Variants in PIEZO2 observed in about 807,000 individuals in gnomAD.
The protein encoded by PIEZO2 is piezo type mechanosensitive ion channel component 2.
A neutral mutation model predicts 337.3 loss-of-function variants in PIEZO2; 172 were observed. The ratio of observed to expected loss-of-function variants is 0.51; its 90% confidence interval spans 0.45 to 0.58. PIEZO2 has a LOEUF of 0.58. PIEZO2 is among the 20% of genes least tolerant of loss of function. The pLI is 0.00. For missense variants in PIEZO2, 3,028 were observed against 3,391.3 expected, an observed-to-expected ratio of 0.89 and a Z score of 2.66; for synonymous variants, 1,251 against 1,228.5, an observed-to-expected ratio of 1.02 and a Z score of -0.38.
chr18:10,715,613 T>G, intron 38 of PIEZO2, 37 bp downstream of exon 38: 1 of 1,473,156 alleles, frequency 6.8e-7, no homozygotes, highest in Non-Finnish European at 9.0e-7. Flanking sequence ...CTTCTTAATG[T>G]GGGAAGGAGC....
rs192516410 is a variant in PIEZO2 at position 10,713,473 on chromosome 18, C to A, written c.5423+1291G>T. On this transcript the variant is annotated intron_variant, in intron 39 of 55. Transcript: ENST00000674853. The surrounding 1 kb of genome is among the most constrained non-coding windows in gnomAD (Gnocchi z 4.5). ...TCTCCTATTTCATCTGGAAATATATCCAGCATTTGTGAAGGACAAATACTT... is the reference window on the plus strand; with the variant it reads ...TCTCCTATTTCATCTGGAAATATATACAGCATTTGTGAAGGACAAATACTT... Among the ~76,000 whole-genome samples the A allele has an allele frequency of 6.6e-6, 1 of 152,224 alleles. No individual in the cohort carries two copies. Among genetic ancestry groups the A allele is most frequent in the Non-Finnish European group, 1.5e-5 (1 of 68,010 alleles).
At chr18:10,706,565 A>G (rs578206545) in intron 40 of PIEZO2, among the ~76,000 whole-genome samples, 121 of 152,252 alleles carry the variant, frequency 7.9e-4, no homozygotes, top group Non-Finnish European at 1.2e-3. Context: ...TTCCTCTTTG[A>G]GTAGTCCTTT....
At chr18:10,958,273 C>G (rs2033624001) in intron 3 of PIEZO2, among the ~76,000 whole-genome samples, 1 of 152,100 alleles carries the variant, frequency 6.6e-6, no homozygotes. Context: ...ACTGAATAAG[C>G]TCGCTTTATG....
Position 10,929,287 on chromosome 18 carries a change from GCAT to G in PIEZO2, c.287-18062_287-18060del, listed in dbSNP as rs2031943573. ...GTGTGAGCGAGCTGCAAACGTGCAC[GCAT>G]CATATGAAGGTGTTATGCTGCTGCA... On this transcript the variant is annotated intron_variant, in intron 3 of 55. Coordinates refer to ENST00000674853, the MANE Select transcript of PIEZO2 (RefSeq NM_001378183.1). This position sits in a 1 kb window ranked among gnomAD's most constrained non-coding sequence, Gnocchi z 5.6. 6.6e-6 allele frequency among the ~76,000 whole-genome samples: 1 copy of G among 152,150 alleles called. No individual in the cohort carries two copies. The highest frequency in any genetic ancestry group is 1.5e-5 in the Non-Finnish European group (1 of 68,038).
Position 10,680,189 on chromosome 18 carries a change from C to T in PIEZO2, c.7952+10G>A, listed in dbSNP as rs773334827. ...AAGGGATAAATTATACATGGAAATA[C>T]AGTAACTACCTCTGAATACTCCATG... On this transcript the variant is annotated intron_variant, in intron 52 of 55. Coordinates refer to ENST00000674853, the MANE Select transcript of PIEZO2 (RefSeq NM_001378183.1). The T allele has an allele frequency of 1.3e-6, 2 of 1,599,052 alleles. No homozygotes were observed. The highest frequency in any genetic ancestry group is 2.2e-5 in the South Asian group (2 of 89,724).
chr18:10,839,843 G>A (rs1485776), intron 7 of PIEZO2, among the ~76,000 whole-genome samples: 53,307 of 151,944 alleles, frequency 0.35, 9,515 homozygotes, highest in Admixed American at 0.43. Context: ...GTGCTGTAAC[G>A]GGGAAAGCAA....
rs112627521 is a variant in PIEZO2 at position 10,790,820 on chromosome 18, T to C, written c.1882+381A>G. Reference sequence around the variant, plus strand: ...TCCCAGGTTCACACCGTTCTCTTCCTCAGCCTCCTGAGTAGCTGGGACTAC... The same window carrying C: ...TCCCAGGTTCACACCGTTCTCTTCCCCAGCCTCCTGAGTAGCTGGGACTAC... On this transcript the variant is annotated intron_variant, in intron 14 of 55. Transcript: ENST00000674853. Among the ~76,000 whole-genome samples the C allele has an allele frequency of 8.8e-4, 133 of 151,808 alleles. 3 individuals are homozygous for C. The highest frequency in any genetic ancestry group is 3.1e-3 in the African/African-American group (129 of 41,424).
At chr18:10,839,412 C>T (rs970807853) in intron 7 of PIEZO2, among the ~76,000 whole-genome samples, 2 of 152,222 alleles carry the variant, frequency 1.3e-5, no homozygotes, top group East Asian at 3.8e-4. Flanking sequence ...AATAGGATAT[C>T]ACCCCTGTCA....
intron 3 of PIEZO2, among the ~76,000 whole-genome samples, chr18:10,976,055 T>G (rs907174432): frequency 2.0e-5 from 3 of 152,198 alleles, no homozygotes; most frequent in African/African-American, 7.2e-5. Context: ...TAACTCTAAA[T>G]GCTTGAGAAA....
chr18:10,833,368 C>T lies in PIEZO2; in HGVS notation c.917+21985G>A, dbSNP rs1434185975. Among the ~76,000 whole-genome samples, 1 of 152,158 alleles carries T rather than the reference C, an allele frequency of 6.6e-6. No individual in the cohort carries two copies. Among genetic ancestry groups the T allele is most frequent in the African/African-American group, 2.4e-5 (1 of 41,424 alleles). On this transcript the variant is annotated intron_variant, in intron 7 of 55. Transcript: ENST00000674853. The surrounding 1 kb of genome is among the most constrained non-coding windows in gnomAD (Gnocchi z 4.7). ...CGGAGCCCACTGTGACACCTGCAGC[C>T]TCGCCCTCTCCTGTTGGAATCATGT...
intron 16 of PIEZO2, among the ~76,000 whole-genome samples, chr18:10,785,162 T>C (rs938961122): frequency 3.9e-5 from 6 of 152,214 alleles, no homozygotes; most frequent in Non-Finnish European, 5.9e-5. Context: ...AACCTTGACA[T>C]TCCCAAATTC....
At position 10,969,309 on chromosome 18, in the gene PIEZO2, A is replaced by G. The variant is rs945160938; in HGVS notation, c.286+10226T>C. On this transcript the variant is annotated intron_variant, in intron 3 of 55. Transcript: ENST00000674853. This position sits in a 1 kb window ranked among gnomAD's most constrained non-coding sequence, Gnocchi z 4.5. ...GGTTAGAGAATTTGTTATTTAAGCA[A>G]ACCAAATCAATCCCAAATCATTTTA... Among the ~76,000 whole-genome samples, 1 of 152,214 alleles carries G rather than the reference A, an allele frequency of 6.6e-6. No individual in the cohort carries two copies. The highest frequency in any genetic ancestry group is 1.5e-5 in the Non-Finnish European group (1 of 68,044).
At chr18:10,867,289 T>A (rs2042031645) in intron 5 of PIEZO2, among the ~76,000 whole-genome samples, 1 of 152,166 alleles carries the variant, frequency 6.6e-6, no homozygotes. Context: ...TCTCTCAGTC[T>A]TTGTCTCTTG....
chr18:11,148,623 G>A lies in PIEZO2; in HGVS notation c.-35C>T. The A allele has an allele frequency of 1.3e-6, 2 of 1,535,844 alleles. No individual in the cohort carries two copies. The highest frequency in any genetic ancestry group is 1.4e-5 in the African/African-American group (1 of 73,086). ...CCGGCGAGTCGGAGCAGAGGGGCGA[G>A]GCTCGAGGGTCCCTAGGGGTGGTGG... On this transcript the variant is annotated 5_prime_UTR_variant, in exon 1 of 56. Coordinates refer to ENST00000674853, the MANE Select transcript of PIEZO2 (RefSeq NM_001378183.1). This position sits in a 1 kb window ranked among gnomAD's most constrained non-coding sequence, Gnocchi z 5.2.
At chr18:10,760,565 A>G (rs1049886436) in intron 24 of PIEZO2, among the ~76,000 whole-genome samples, 4 of 152,202 alleles carry the variant, frequency 2.6e-5, no homozygotes, top group African/African-American at 9.7e-5. Context: ...TTGGCCTCCC[A>G]AAGTGCTGGG....
chr18:10,801,562 A>G (rs2039816708), intron 9 of PIEZO2, 134 bp from the exon 10 acceptor site: 1 of 749,800 alleles, frequency 1.3e-6, no homozygotes, highest in Non-Finnish European at 2.2e-6. Flanking sequence ...TAATATTGCC[A>G]TGCAAAATAT....
intron 2 of PIEZO2, among the ~76,000 whole-genome samples, chr18:11,008,856 G>C (rs1300936409): frequency 6.6e-6 from 1 of 152,146 alleles, no homozygotes; most frequent in Non-Finnish European, 1.5e-5. Context: ...AAAGGCTTAA[G>C]TTTCCAAGAA....
chr18:11,095,365 A>C (rs9956571), intron 1 of PIEZO2, among the ~76,000 whole-genome samples: 1 of 152,058 alleles, frequency 6.6e-6, no homozygotes, highest in East Asian at 1.9e-4. Context: ...CCATTGACTC[A>C]GTGTTTTGGA....
intron 3 of PIEZO2, among the ~76,000 whole-genome samples, chr18:10,911,648 G>A (rs1444217982): frequency 7.9e-5 from 12 of 152,246 alleles, no homozygotes; most frequent in East Asian, 1.9e-4. Context: ...CCAGCTACTC[G>A]GAAGACTGAG....
Sources: allele counts gnomAD v4.1 joint callset (sites outside exome capture counted in the v4.1 genomes callset), GRCh38; gene constraint gnomAD v4.1.1; non-coding constraint Gnocchi (gnomAD v3.1); transcripts MANE v1.5; gene names NCBI Gene and HGNC (gene_info 2026-07-23, HGNC 2026-07-21).